The following CSMD1 variants were observed in gnomAD, a reference collection of about 807,000 sequenced individuals.
CSMD1 encodes the protein CUB and Sushi multiple domains 1, also known as CUB and sushi domain-containing protein 1.
A neutral mutation model predicts 417.5 loss-of-function variants in CSMD1; 213 were observed. The observed-to-expected ratio is 0.51, with a 90% CI of 0.46 to 0.57. The LOEUF (loss-of-function observed/expected upper bound fraction) is 0.57. Among genes scored for constraint, CSMD1 ranks in the 20% least tolerant of loss-of-function variants. The pLI is 0.00. For missense variants in CSMD1, 6,923 were observed against 4,529.7 expected, an observed-to-expected ratio of 1.53 and a Z score of -15.17; for synonymous variants, 2,862 against 1,736.8, an observed-to-expected ratio of 1.65 and a Z score of -16.11.
chr8:4,175,425 A>G (rs1037635557), intron 3 of CSMD1, among the ~76,000 whole-genome samples: 4 of 151,922 alleles, frequency 2.6e-5, no homozygotes, highest in African/African-American at 9.7e-5. Context: ...TCAACGGAAT[A>G]TGTTTAAGTA....
chr8:3,960,087 T>C (rs187328113), intron 5 of CSMD1, among the ~76,000 whole-genome samples: 1 of 152,320 alleles, frequency 6.6e-6, no homozygotes, highest in Admixed American at 6.5e-5. Context: ...TAGACAACAG[T>C]GCTGGAGCTA....
chr8:3,307,211 T>G (rs907460824), intron 25 of CSMD1, among the ~76,000 whole-genome samples: 1 of 151,938 alleles, frequency 6.6e-6, no homozygotes, highest in Non-Finnish European at 1.5e-5. Context: ...TAAGCACAAG[T>G]TGGAAATTTG....
At chr8:4,657,525 T>C (rs1804312440) in intron 1 of CSMD1, among the ~76,000 whole-genome samples, 2 of 151,978 alleles carry the variant, frequency 1.3e-5, no homozygotes. Flanking sequence ...AGAACAAACA[T>C]AGAAAAGAAT....
intron 10 of CSMD1, among the ~76,000 whole-genome samples, chr8:3,533,609 C>T (rs1477573833): frequency 6.6e-6 from 1 of 152,134 alleles, no homozygotes; most frequent in Non-Finnish European, 1.5e-5. Context: ...CCTTGCTTCC[C>T]TGAATCCACT....
chr8:4,137,827 C>A (rs1585397204), intron 3 of CSMD1, among the ~76,000 whole-genome samples: 1 of 151,362 alleles, frequency 6.6e-6, no homozygotes, highest in African/African-American at 2.4e-5. Context: ...ATGTCAGAAA[C>A]TCAGTTAGTG....
chr8:3,970,974 G>C (rs146126542), intron 5 of CSMD1, among the ~76,000 whole-genome samples: 6,810 of 152,144 alleles, frequency 0.045, 197 homozygotes, highest in African/African-American at 0.088. Flanking sequence ...TGGTCTCGAA[G>C]TCCTGACCTC....
chr8:4,471,873 T>C (rs73514642), intron 2 of CSMD1, among the ~76,000 whole-genome samples: 2,258 of 152,200 alleles, frequency 0.015, 63 homozygotes, highest in African/African-American at 0.052. Flanking sequence ...CTACAAAAAA[T>C]GGTGTTTCCA....
At chr8:3,533,299 ATAATT>A (rs1211323325) in intron 10 of CSMD1, among the ~76,000 whole-genome samples, 1 of 152,118 alleles carries the variant, frequency 6.6e-6, no homozygotes, top group Admixed American at 6.5e-5. Flanking sequence ...CCAATATAAT[ATAATT>A]AACTATAAAC....
chr8:3,978,476 G>C (rs916500794), intron 5 of CSMD1, among the ~76,000 whole-genome samples: 4 of 152,090 alleles, frequency 2.6e-5, no homozygotes, highest in African/African-American at 9.7e-5. Context: ...AGAAATCCAT[G>C]AATATGGGGA....
At chr8:4,563,187 G>A (rs1050925358) in intron 2 of CSMD1, among the ~76,000 whole-genome samples, 1 of 152,108 alleles carries the variant, frequency 6.6e-6, no homozygotes, top group African/African-American at 2.4e-5. Flanking sequence ...GGATCACGAG[G>A]TCAGGAGATT....
intron 1 of CSMD1, among the ~76,000 whole-genome samples, chr8:4,704,946 T>C (rs1445034841): frequency 5.9e-5 from 9 of 152,186 alleles, no homozygotes; most frequent in Non-Finnish European, 1.2e-4. Context: ...TAGTATGGTT[T>C]GGCTCTGTGT....
intron 40 of CSMD1, among the ~76,000 whole-genome samples, chr8:3,143,303 T>C (rs372713486): frequency 1.4e-3 from 217 of 152,314 alleles, no homozygotes; most frequent in Non-Finnish European, 2.5e-3. Context: ...TTTTCTATTG[T>C]GTTACGTGTG....
intron 50 of CSMD1, among the ~76,000 whole-genome samples, chr8:3,044,658 T>A (rs1811320289): frequency 6.6e-6 from 1 of 151,364 alleles, no homozygotes. Flanking sequence ...ACCTCAAACA[T>A]CTGCCTCGGA....
chr8:4,210,006 A>G (rs1800213707), intron 3 of CSMD1, among the ~76,000 whole-genome samples: 1 of 151,996 alleles, frequency 6.6e-6, no homozygotes, highest in Admixed American at 6.6e-5. Flanking sequence ...TCTGCCCCAG[A>G]TCTGTTTTAG....
intron 23 of CSMD1, among the ~76,000 whole-genome samples, chr8:3,314,459 C>G (rs1805597535): frequency 6.6e-6 from 1 of 152,184 alleles, no homozygotes; most frequent in South Asian, 2.1e-4. Context: ...ATTCAGGGCA[C>G]AAATACTGGT....
intron 3 of CSMD1, among the ~76,000 whole-genome samples, chr8:4,243,908 G>C (rs1258671438): frequency 6.6e-6 from 1 of 152,178 alleles, no homozygotes; most frequent in Non-Finnish European, 1.5e-5. Context: ...CATTAGGTTA[G>C]CAGAGAGTTT....
chr8:4,723,865 C>T (rs1048024916), intron 1 of CSMD1, among the ~76,000 whole-genome samples: 4 of 151,554 alleles, frequency 2.6e-5, no homozygotes, highest in African/African-American at 9.7e-5. Context: ...TTCCCATTGC[C>T]TTCCCAAAAC....
In CSMD1 at chr8:4,637,233, G is replaced by A. The variant is rs747713613; in HGVS notation, c.302+109C>T. On this transcript the variant is annotated intron_variant, in intron 2 of 69. Transcript: ENST00000635120. Reference sequence around the variant, plus strand: ...AAGTCAGCGAGGCCACGAACCCACCGGAAGGAACCAACTCCGGACACAATA... The same window carrying A: ...AAGTCAGCGAGGCCACGAACCCACCAGAAGGAACCAACTCCGGACACAATA... 95 of 981,486 alleles carry A rather than the reference G, an allele frequency of 9.7e-5. 1 individual carries two copies. The African/African-American group carries it at 1.0e-3, about 11-fold the overall frequency. 60.8% of individuals were successfully genotyped at this position (981,486 alleles called of 1,614,324 possible). A position where few individuals can be genotyped will look rare whatever the true frequency, so the allele number is the denominator to read the frequency against.
At chr8:3,597,367 G>C (rs1281742380) in intron 8 of CSMD1, among the ~76,000 whole-genome samples, 2 of 116,548 alleles carry the variant, frequency 1.7e-5, no homozygotes, top group South Asian at 5.6e-4. Flanking sequence ...CGCTTCACTG[G>C]AATTAAACTG....
Sources: gnomAD v4.1 joint callset for allele counts (sites outside exome capture counted in the v4.1 genomes callset) on GRCh38, gnomAD v4.1.1 for gene constraint, MANE v1.5 for transcripts, NCBI Gene and HGNC (gene_info 2026-07-23, HGNC 2026-07-21) for gene names.